The following NOC3L variants were observed in gnomAD, a reference collection of about 807,000 sequenced individuals.
The protein encoded by NOC3L is nucleolar complex protein 3 homolog.
Under a neutral mutation model 102.5 loss-of-function variants are expected in NOC3L, and 85 were observed. The ratio of observed to expected loss-of-function variants is 0.83; its 90% CI spans 0.70 to 0.99. NOC3L has a LOEUF of 0.99. Among genes scored for constraint, NOC3L ranks in the 50% least tolerant of loss-of-function variants. The pLI is 0.00. For missense variants in NOC3L, 878 were observed against 914.9 expected, an observed-to-expected ratio of 0.96 and a Z score of 0.52; for synonymous variants, 303 against 309.4, an observed-to-expected ratio of 0.98 and a Z score of 0.22.
At position 94,362,906 on chromosome 10, in the gene NOC3L, G is replaced by A; in HGVS notation, c.-68C>T. ...AGCAGGGTTACTACAGAAATCCCGG[G>A]GAATGACACACGTGCCGAAGTCCCT... On this transcript the variant is annotated 5_prime_UTR_variant, in exon 1 of 21. Coordinates refer to ENST00000371361, the MANE Select transcript of NOC3L (RefSeq NM_022451.11). The A allele has an allele frequency of 1.2e-6, 2 of 1,613,202 alleles. No homozygotes were observed. The highest frequency in any genetic ancestry group is 1.7e-6 in the Non-Finnish European group (2 of 1,179,564).
chr10:94,323,377 G>A, the NOC3L span, among the ~76,000 whole-genome samples: 1 of 152,204 alleles, frequency 6.6e-6, no homozygotes, highest in Admixed American at 6.5e-5. Context: ...TCTGAGACCT[G>A]GAGTAAAAGC....
At chr10:94,319,961 C>A in the NOC3L span, among the ~76,000 whole-genome samples, 1 of 149,888 alleles carries the variant, frequency 6.7e-6, no homozygotes, top group African/African-American at 2.5e-5. Context: ...ATTCCGCCTC[C>A]CGGGTTCACA....
intron 2 of NOC3L, among the ~76,000 whole-genome samples, chr10:94,358,662 A>G (rs2054516093): frequency 6.6e-6 from 1 of 152,082 alleles, no homozygotes; most frequent in Non-Finnish European, 1.5e-5. Flanking sequence ...CAGCCTCTCT[A>G]ATGGCCACAT....
chr10:94,324,847 C>T, the NOC3L span: 2 of 1,573,824 alleles, frequency 1.3e-6, no homozygotes, highest in Non-Finnish European at 1.7e-6. Flanking sequence ...GACAGAGGAA[C>T]CTGAGTTTAA....
chr10:94,357,189 T>C lies in NOC3L; in HGVS notation c.493A>G (p.Thr165Ala), dbSNP rs769417548. 2 of 1,588,804 alleles carry C rather than the reference T, an allele frequency of 1.3e-6. No individual in the cohort carries two copies. The highest frequency in any genetic ancestry group is 8.6e-7 in the Non-Finnish European group (1 of 1,167,750). Reference protein sequence around the residue: ...IKDKSGIIPQTREKPVTDSNK... With the variant: ...IKDKSGIIPQAREKPVTDSNK... ...TTAGACTCACCTGGCTTCTCCCTAG[T>C]CTGTGGGATTATACCACTTTTATCT... is the stretch of plus-strand genomic sequence containing the variant. Residue 165 changes from threonine to alanine, a missense_variant, in exon 4 of 21, where the codon ACT becomes GCT. Transcript: ENST00000371361.
intron 19 of NOC3L, among the ~76,000 whole-genome samples, chr10:94,335,134 A>C (rs1166609181): frequency 6.6e-6 from 1 of 152,198 alleles, no homozygotes. Flanking sequence ...AAAACAAGGA[A>C]AGGCCATTCA....
the NOC3L span, chr10:94,327,935 T>G: frequency 2.7e-5 from 14 of 524,330 alleles, 1 homozygote; most frequent in Middle Eastern, 3.2e-4. Flanking sequence ...TCATTTTCAG[T>G]ATACTAATAA....
At chr10:94,349,930 T>C (rs2054394842) in intron 9 of NOC3L, among the ~76,000 whole-genome samples, 183 bp downstream of exon 9, 1 of 151,998 alleles carries the variant, frequency 6.6e-6, no homozygotes, top group Admixed American at 6.6e-5. Context: ...TGCTAATTTT[T>C]TGTATTTTTA....
chr10:94,349,406 AGTGTTT>A (rs770907938), intron 9 of NOC3L, 28 bp from the exon 10 acceptor site: 6 of 1,564,556 alleles, frequency 3.8e-6, no homozygotes, highest in Non-Finnish European at 8.6e-7. Flanking sequence ...ATACTTAACC[AGTGTTT>A]CTCAACCTTA....
rs752502012 is a variant in NOC3L, at chr10:94,338,718, G to C, written c.1981C>G (p.Leu661Val). Residue 661 changes from leucine to valine, a missense_variant, in exon 18 of 21, where the codon CTA becomes GTA. Transcript: ENST00000371361. ...CCCTGAGATTCACTGTCAAGCAGTA[G>C]ATCTGTTTTGGGGAAAGTCTGCAAA... ...ILMHTFPKTDLLLDSESQGSG... is the reference protein window; with the variant it reads ...ILMHTFPKTDVLLDSESQGSG... 2.5e-6 allele frequency: 4 copies of C among 1,612,896 alleles called. No homozygotes were observed. The highest frequency in any genetic ancestry group is 2.5e-6 in the Non-Finnish European group (3 of 1,179,380).
chr10:94,341,439 A>C (rs1254189779), intron 14 of NOC3L, among the ~76,000 whole-genome samples: 2 of 151,574 alleles, frequency 1.3e-5, no homozygotes, highest in Non-Finnish European at 2.9e-5. Context: ...TTTAAAAAAA[A>C]AAAAAAGAAA....
intron 10 of NOC3L, among the ~76,000 whole-genome samples, chr10:94,347,396 C>A (rs1047432118): frequency 6.6e-6 from 1 of 152,098 alleles, no homozygotes; most frequent in Non-Finnish European, 1.5e-5. Flanking sequence ...CAAAATATCA[C>A]CTACCAACGA....
chr10:94,323,896 C>A, the NOC3L span, among the ~76,000 whole-genome samples: 1 of 152,202 alleles, frequency 6.6e-6, no homozygotes, highest in South Asian at 2.1e-4. Flanking sequence ...CAGTTGACTT[C>A]TAAAATTCTT....
chr10:94,358,181 TTCTTCTTCC>T lies in NOC3L; in HGVS notation c.243_251del (p.Glu83_Glu85del), dbSNP rs1564918641. 6.2e-7 allele frequency: 1 copy of T among 1,601,950 alleles called. No individual in the cohort carries two copies. Among genetic ancestry groups the T allele is most frequent in the Admixed American group, 1.7e-5 (1 of 59,996 alleles). On this transcript the variant is annotated inframe_deletion, in exon 3 of 21. Transcript: ENST00000371361. ...CCATCATATCTAAAGGAAGGGCTTC[TTCTTCTTCC>T]TCTTCTTCCCTCTCAATCCTTTTAC...
At chr10:94,352,793 G>T in intron 7 of NOC3L, 103 bp downstream of exon 7, 1 of 989,224 alleles carries the variant, frequency 1.0e-6, no homozygotes, top group Non-Finnish European at 1.5e-6. Context: ...CTGCACTCTA[G>T]TCTGGGCGAC....
chr10:94,350,659 A>G (rs1467363495), intron 8 of NOC3L, among the ~76,000 whole-genome samples: 1 of 149,978 alleles, frequency 6.7e-6, no homozygotes, highest in Admixed American at 6.7e-5. Flanking sequence ...CAGAGGTTGC[A>G]GTGAGCTGTG....
In NOC3L at chr10:94,344,938, A is replaced by C. The variant is rs1294795546; in HGVS notation, c.1390-5T>G. 1.9e-6 allele frequency: 3 copies of C among 1,600,618 alleles called. No individual in the cohort carries two copies. In the South Asian group the frequency reaches 3.4e-5, roughly 18 times the overall value. Reference sequence around the variant, plus strand: ...TTTCTCTTCTGCTTTCTTCCACTGAAAATAGATTGAAAAACAAAAATCTAA... The same window carrying C: ...TTTCTCTTCTGCTTTCTTCCACTGACAATAGATTGAAAAACAAAAATCTAA... On this transcript the variant is annotated splice_polypyrimidine_tract_variant and splice_region_variant and intron_variant, in intron 11 of 20. Coordinates refer to ENST00000371361, the MANE Select transcript of NOC3L (RefSeq NM_022451.11).
chr10:94,356,518 C>A lies in NOC3L; in HGVS notation c.565+17G>T. On this transcript the variant is annotated intron_variant, in intron 5 of 20. Transcript: ENST00000371361. ...AAATTCTCAATTAACAATTTAGTAA[C>A]TGTAAAGACATATTACCTTCCTCAA... 1 of 1,499,738 alleles carries A rather than the reference C, an allele frequency of 6.7e-7. No individual in the cohort carries two copies. The highest frequency in any genetic ancestry group is 9.3e-7 in the Non-Finnish European group (1 of 1,079,466). 92.9% of individuals were successfully genotyped at this position (1,499,738 alleles called of 1,614,324 possible). A position where few individuals can be genotyped will look rare whatever the true frequency, so the allele number is the denominator to read the frequency against.
intron 18 of NOC3L, 69 bp from the exon 19 acceptor site, chr10:94,337,943 A>C: frequency 8.5e-7 from 1 of 1,170,054 alleles, no homozygotes; most frequent in Non-Finnish European, 1.3e-6. Flanking sequence ...AGCCACAGCA[A>C]AGATTTTCTT....
Sources: gnomAD v4.1 joint callset for allele counts (sites outside exome capture counted in the v4.1 genomes callset) on GRCh38, gnomAD v4.1.1 for gene constraint, MANE v1.5 for transcripts, NCBI Gene and HGNC (gene_info 2026-07-23, HGNC 2026-07-21) for gene names.